Variants in RP1 observed in about 807,000 individuals in gnomAD.
RP1 encodes RP1 axonemal microtubule associated, also known as oxygen-regulated protein 1.
RP1 carries 16 observed loss-of-function variants against 14.8 expected under a neutral mutation model. The ratio of observed to expected loss-of-function variants is 1.08; its 90% CI spans 0.73 to 1.65. The LOEUF is 1.65. Ranked by LOEUF, RP1 falls within the 40% of genes most tolerant of loss-of-function variation. The pLI, the probability that RP1 is intolerant of heterozygous loss-of-function variation, is 0.00. For missense variants in RP1, 2,631 were observed against 2,535.0 expected, an observed-to-expected ratio of 1.04 and a Z score of -0.81; for synonymous variants, 876 against 883.6, an observed-to-expected ratio of 0.99 and a Z score of 0.15.
At chr8:54,769,533 C>T (rs913292019) in intron 22 of RP1, among the ~76,000 whole-genome samples, 2 of 152,130 alleles carry the variant, frequency 1.3e-5, no homozygotes, top group Non-Finnish European at 2.9e-5. Context: ...CTTCAAGCCA[C>T]AGGTATGATT....
chr8:54,842,123 T>C (rs532428873), intron 25 of RP1, among the ~76,000 whole-genome samples: 71 of 152,342 alleles, frequency 4.7e-4, no homozygotes, highest in Non-Finnish European at 9.0e-4. Context: ...TTTAATGCTT[T>C]AGCCTTTATC....
intron 24 of RP1, among the ~76,000 whole-genome samples, chr8:54,794,263 GA>G (rs1193812441): frequency 1.3e-5 from 2 of 151,036 alleles, no homozygotes; most frequent in Non-Finnish European, 3.0e-5. Context: ...AAGCATTCTT[GA>G]AAAAAAAGAA....
chr8:54,795,692 ATCT>A (rs1810562464), intron 24 of RP1, among the ~76,000 whole-genome samples: 1 of 152,136 alleles, frequency 6.6e-6, no homozygotes, highest in Non-Finnish European at 1.5e-5. Context: ...CTCTGCTGAC[ATCT>A]TCTTTTGAAA....
At chr8:54,748,515 A>G (rs541381147) in intron 19 of RP1, among the ~76,000 whole-genome samples, 2 of 152,226 alleles carry the variant, frequency 1.3e-5, no homozygotes, top group East Asian at 1.9e-4. Flanking sequence ...TCCCCCTTGT[A>G]CAGTCCTTGA....
chr8:54,767,176 T>A (rs1421645108), intron 22 of RP1, among the ~76,000 whole-genome samples: 1 of 152,172 alleles, frequency 6.6e-6, no homozygotes, highest in Non-Finnish European at 1.5e-5. Context: ...TTTACCATAA[T>A]ACATTTATGT....
Position 54,627,703 on chromosome 8 carries a change from G to A in RP1, c.3821G>A (p.Cys1274Tyr), listed in dbSNP as rs774709993. The A allele has an allele frequency of 1.2e-6, 2 of 1,614,172 alleles. No homozygotes were observed. The highest frequency in any genetic ancestry group is 2.2e-5 in the East Asian group (1 of 44,892). ...AAGGCTTATTCTCCAAAAGAGACAT[G>A]TAACCCCAGTGACACTTTTTTTCCT... The part of the protein sequence containing the change: ...VNKAYSPKET[C>Y]NPSDTFFPSD... Residue 1274 changes from cysteine (C) to tyrosine (Y), a missense_variant, in exon 4 of 4, where the codon TGT becomes TAT. Coordinates refer to ENST00000220676, the MANE Select transcript of RP1 (RefSeq NM_006269.2).
chr8:54,648,999 G>GT lies in RP1; in HGVS notation c.807dup (p.Ile270TyrfsTer5). On this transcript the variant is annotated frameshift_variant, in exon 4 of 23. Transcript: ENST00000636932. LOFTEE classifies it high-confidence loss of function. ...TTCTTTTATAGGTAGTAACTGGAAA[G>GT]TTTTTATAATCACCAGTGACTTGCC... is the stretch of plus-strand genomic sequence containing the variant. 3.3e-6 allele frequency: 5 copies of GT among 1,509,946 alleles called. No homozygotes were observed. Among genetic ancestry groups the GT allele is most frequent in the Non-Finnish European group, 4.4e-6 (5 of 1,139,326 alleles). The allele number at this position is 1,509,946 out of a possible 1,614,324, so 93.5% of individuals were successfully genotyped here.
chr8:54,585,468 ATG>A (rs1262676141), intron 1 of RP1, among the ~76,000 whole-genome samples: 1 of 151,958 alleles, frequency 6.6e-6, no homozygotes, highest in African/African-American at 2.4e-5. Context: ...TCTGACAATT[ATG>A]TGTCTTGGAG....
Position 54,656,217 on chromosome 8 carries a change from T to C in RP1, c.1171+2T>C. On this transcript the variant is annotated splice_donor_variant, in intron 6 of 22. Coordinates refer to the RP1 transcript ENST00000636932. LOFTEE classifies it high-confidence loss of function. The stretch of plus-strand genomic sequence containing the variant: ...GTAAAGGACAACCTGTCCTTCCAGG[T>C]AGGAAAGATTCAACTCCAGGTAGCA... 6.5e-7 allele frequency: 1 copy of C among 1,533,628 alleles called. No homozygotes were observed. Among genetic ancestry groups the C allele is most frequent in the Non-Finnish European group, 8.7e-7 (1 of 1,146,184 alleles).
chr8:54,865,955 CTT>C (rs1199681209), intron 28 of RP1: 17 of 928,556 alleles, frequency 1.8e-5, no homozygotes, highest in Non-Finnish European at 2.4e-5. Context: ...ATTATGCTCT[CTT>C]TGTCCAATTT....
At chr8:54,869,456 A>T (rs1172396873) in intron 28 of RP1, among the ~76,000 whole-genome samples, 8 of 152,274 alleles carry the variant, frequency 5.3e-5, no homozygotes, top group South Asian at 2.1e-4. Flanking sequence ...TCTCTTGAAG[A>T]GTGCTGTCCT....
At chr8:54,649,278 G>A in intron 4 of RP1, 9 of 733,420 alleles carry the variant, frequency 1.2e-5, no homozygotes, top group Non-Finnish European at 1.7e-5. Flanking sequence ...ATAATTTATG[G>A]AAGTTTTTGC....
chr8:54,736,036 G>A (rs1808912080), intron 18 of RP1, among the ~76,000 whole-genome samples: 1 of 152,118 alleles, frequency 6.6e-6, no homozygotes, highest in Admixed American at 6.5e-5. Context: ...CTGAGGTACA[G>A]TCTGGGTATT....
At chr8:54,631,533 C>A (rs1347914389), downstream of RP1, among the ~76,000 whole-genome samples, 2 of 151,664 alleles carry the variant, frequency 1.3e-5, no homozygotes, top group East Asian at 3.9e-4. Context: ...TTTATTACTT[C>A]CCCTGCATTT....
At chr8:54,673,713 C>A in intron 7 of RP1, 1 of 697,544 alleles carries the variant, frequency 1.4e-6, no homozygotes, top group Non-Finnish European at 2.3e-6. Flanking sequence ...GCACTCCAGC[C>A]TGGGTGACAG....
chr8:54,756,656 A>T (rs1009627336), intron 21 of RP1, among the ~76,000 whole-genome samples: 1 of 152,198 alleles, frequency 6.6e-6, no homozygotes, highest in Non-Finnish European at 1.5e-5. Context: ...TGGTATTATT[A>T]TTAATATTAC....
chr8:54,802,903 C>T (rs534312355), intron 24 of RP1, among the ~76,000 whole-genome samples: 1 of 152,126 alleles, frequency 6.6e-6, no homozygotes, highest in African/African-American at 2.4e-5. Context: ...ACTAGTGGAC[C>T]TTTCAACTGG....
rs201538234 is a variant in RP1, at chr8:54,626,598, G to C, written c.2716G>C (p.Ala906Pro). ...ASLKKPDFPE[A>P]IAHHSIQNYI... The stretch of plus-strand genomic sequence containing the variant: ...TTTGAAAAAACCTGATTTTCCTGAG[G>C]CTATTGCTCATCATTCAATTCAAAA... Residue 906 changes from alanine to proline, a missense_variant, in exon 4 of 4, where the codon GCT (alanine) becomes CCT (proline). Coordinates refer to ENST00000220676, the MANE Select transcript of RP1 (RefSeq NM_006269.2). 62 of 1,613,408 alleles carry C rather than the reference G, an allele frequency of 3.8e-5. No individual in the cohort carries two copies. Among genetic ancestry groups the C allele is most frequent in the Non-Finnish European group, 5.2e-5 (61 of 1,179,884 alleles).
chr8:54,616,618 G>A (rs1335061652), intron 1 of RP1, among the ~76,000 whole-genome samples: 1 of 152,148 alleles, frequency 6.6e-6, no homozygotes, highest in Non-Finnish European at 1.5e-5. Context: ...TGCCCCATAG[G>A]CTTATGAAAA....
Sources: gnomAD v4.1 joint callset for allele counts (sites outside exome capture counted in the v4.1 genomes callset) on GRCh38, gnomAD v4.1.1 for gene constraint, MANE v1.5 for transcripts, NCBI Gene and HGNC (gene_info 2026-07-23, HGNC 2026-07-21) for gene names.